PCDHA3: variants seen among roughly 807,000 people sequenced by gnomAD.
PCDHA3 encodes the protein protocadherin alpha 3, also known as protocadherin alpha-3.
Under a neutral mutation model 62.2 loss-of-function variants are expected in PCDHA3, and 41 were observed. The observed-to-expected ratio is 0.66, with a 90% CI of 0.51 to 0.86. The LOEUF (loss-of-function observed/expected upper bound fraction) is 0.86, where lower values mean the gene tolerates loss of function less well. Among genes scored for constraint, PCDHA3 ranks in the 40% least tolerant of loss-of-function variants. The pLI is 0.00. For synonymous variants in PCDHA3, 640 were observed against 555.4 expected, an observed-to-expected ratio of 1.15 and a Z score of -2.14; for missense variants, 1,304 against 1,241.2, an observed-to-expected ratio of 1.05 and a Z score of -0.76.
chr5:140,831,485 G>A (rs1771542804), intron 1 of PCDHA3, among the ~76,000 whole-genome samples: 1 of 82,564 alleles, frequency 1.2e-5, no homozygotes, highest in Non-Finnish European at 2.3e-5. Flanking sequence ...TCAGCCTCTG[G>A]AGTTACTACA....
chr5:140,842,894 C>T, intron 1 of PCDHA3: 1 of 1,594,372 alleles, frequency 6.3e-7, no homozygotes, highest in Non-Finnish European at 8.6e-7. Flanking sequence ...GCCGCTGGAC[C>T]ACGAGGAGCT....
At position 140,870,536 on chromosome 5, in the gene PCDHA3, C is replaced by T. The variant is rs782205013; in HGVS notation, c.2394+66945C>T. On this transcript the variant is annotated intron_variant, in intron 1 of 3. Transcript: ENST00000522353. ...GGCTGCCACATCTTCACAGTGTCGGCGCGGGACGCGGACGCGCAGGAGAAC... is the reference window on the plus strand; with the variant it reads ...GGCTGCCACATCTTCACAGTGTCGGTGCGGGACGCGGACGCGCAGGAGAAC... 1.1e-5 allele frequency: 18 copies of T among 1,614,036 alleles called. No individual in the cohort carries two copies. The Admixed American group carries it at 3.0e-4, about 27-fold the overall frequency.
chr5:140,871,533 G>T, intron 1 of PCDHA3: 1 of 1,516,446 alleles, frequency 6.6e-7, no homozygotes, highest in Non-Finnish European at 8.8e-7. Flanking sequence ...GGAAGTGTAT[G>T]TGAAATTATT....
At chr5:140,920,855 A>AC (rs1163764054) in intron 1 of PCDHA3, among the ~76,000 whole-genome samples, 5 of 151,976 alleles carry the variant, frequency 3.3e-5, no homozygotes, top group African/African-American at 4.8e-5. Context: ...AAAAAAAAAA[A>AC]AAACAAACAA....
intron 1 of PCDHA3, among the ~76,000 whole-genome samples, chr5:140,833,147 A>G (rs1412458710): frequency 2.6e-5 from 4 of 152,210 alleles, no homozygotes; most frequent in South Asian, 4.1e-4. Flanking sequence ...GTGTGAAGCA[A>G]TACGAATAAA....
chr5:140,987,579 G>A (rs1587244490), intron 3 of PCDHA3, among the ~76,000 whole-genome samples: 1 of 152,280 alleles, frequency 6.6e-6, no homozygotes, highest in East Asian at 1.9e-4. Flanking sequence ...TCTATAAAAT[G>A]GGGAGAATAG....
At chr5:140,856,985 A>G (rs1463839145) in intron 1 of PCDHA3, 1 of 1,595,232 alleles carries the variant, frequency 6.3e-7, no homozygotes, top group Non-Finnish European at 8.6e-7. Flanking sequence ...TGAGGACAGT[A>G]ACACTTATGA....
At chr5:140,987,944 T>C (rs910006070) in intron 3 of PCDHA3, among the ~76,000 whole-genome samples, 11 of 152,186 alleles carry the variant, frequency 7.2e-5, no homozygotes, top group African/African-American at 2.7e-4. Context: ...CTTACCTGTC[T>C]GACAAAACCA....
rs377370256 is a variant in PCDHA3 at position 140,966,811 on chromosome 5, G to A, written c.2395-12138G>A. On this transcript the variant is annotated intron_variant, in intron 1 of 3. Transcript: ENST00000522353. ...GACCTGCGGCGACAGAGCATCCACGGCTCCGGCGGCCCATGCCCTGGCTGC... is the reference window on the plus strand; with the variant it reads ...GACCTGCGGCGACAGAGCATCCACGACTCCGGCGGCCCATGCCCTGGCTGC... The A allele has an allele frequency of 1.4e-5, 21 of 1,549,722 alleles. No individual in the cohort carries two copies. The African/African-American group carries it at 2.6e-4, about 19-fold the overall frequency.
At chr5:140,828,520 C>G in intron 1 of PCDHA3, 4 of 1,614,198 alleles carry the variant, frequency 2.5e-6, no homozygotes, top group Middle Eastern at 1.6e-4. Flanking sequence ...TGCTGATTTA[C>G]GAATCTAGGC....
At chr5:140,856,015 G>T (rs781811609) in intron 1 of PCDHA3, 3 of 1,550,260 alleles carry the variant, frequency 1.9e-6, no homozygotes, top group Non-Finnish European at 2.6e-6. Flanking sequence ...CTAGACCGCT[G>T]ATTCGTCGAT....
chr5:141,002,917 T>C (rs572461368), intron 3 of PCDHA3, among the ~76,000 whole-genome samples: 1 of 152,310 alleles, frequency 6.6e-6, no homozygotes, highest in East Asian at 1.9e-4. Context: ...ATCAGAAAAG[T>C]GAACACCCTC....
chr5:140,999,507 T>A (rs2097860188), intron 3 of PCDHA3, among the ~76,000 whole-genome samples: 1 of 152,078 alleles, frequency 6.6e-6, no homozygotes, highest in South Asian at 2.1e-4. Flanking sequence ...GAACCTACAT[T>A]TTAAGCATTT....
chr5:140,884,762 A>C, intron 1 of PCDHA3: 1 of 1,423,132 alleles, frequency 7.0e-7, no homozygotes, highest in Non-Finnish European at 9.2e-7. Flanking sequence ...ATTATTCTTT[A>C]CTTTAATTTT....
At chr5:140,852,972 G>A (rs2150526368) in intron 1 of PCDHA3, 5 of 376,752 alleles carry the variant, frequency 1.3e-5, no homozygotes, top group South Asian at 2.2e-4. Context: ...TCCCCCTCCC[G>A]TGTTCACGCC....
intron 1 of PCDHA3, among the ~76,000 whole-genome samples, chr5:140,893,362 C>T (rs782554595): frequency 6.6e-5 from 10 of 152,110 alleles, no homozygotes; most frequent in African/African-American, 9.7e-5. Flanking sequence ...TACATGCCCA[C>T]CAACAGCATT....
intron 1 of PCDHA3, chr5:140,929,567 A>G (rs566554100): frequency 7.2e-5 from 33 of 456,594 alleles, no homozygotes; most frequent in Admixed American, 1.2e-4. Flanking sequence ...ATTTAAGAAC[A>G]ATAAAAGTAA....
intron 1 of PCDHA3, among the ~76,000 whole-genome samples, chr5:140,934,050 C>G (rs558726288): frequency 6.6e-6 from 1 of 151,834 alleles, no homozygotes; most frequent in African/African-American, 2.4e-5. Flanking sequence ...TTAGTCTTTC[C>G]AAGGCTAACT....
intron 1 of PCDHA3, among the ~76,000 whole-genome samples, chr5:140,898,151 CT>C (rs2066567806): frequency 6.6e-6 from 1 of 152,158 alleles, no homozygotes; most frequent in Admixed American, 6.5e-5. Context: ...CCTGTTCACG[CT>C]GATGGTGGTT....
Sources: gnomAD v4.1 joint callset for allele counts (sites outside exome capture counted in the v4.1 genomes callset) on GRCh38, gnomAD v4.1.1 for gene constraint, MANE v1.5 for transcripts, NCBI Gene and HGNC (gene_info 2026-07-23, HGNC 2026-07-21) for gene names.